Variants in DOCK7 observed in about 807,000 individuals in gnomAD.
DOCK7 encodes the protein dedicator of cytokinesis 7.
A neutral mutation model predicts 271.0 loss-of-function variants in DOCK7; 138 were observed. The observed-to-expected ratio is 0.51, with a 90% CI of 0.44 to 0.59. The LOEUF is 0.59. Ranked by LOEUF, DOCK7 falls within the 20% of genes least tolerant of loss-of-function variation. DOCK7 has a pLI of 0.00. For missense variants in DOCK7, 2,066 were observed against 2,592.4 expected (o/e 0.80, Z 4.41); for synonymous variants, 823 against 876.1 (o/e 0.94, Z 1.07).
At chr1:62,460,604 AACACACACAC>A (rs57641890) in intron 48 of DOCK7, among the ~76,000 whole-genome samples, 83,794 of 148,838 alleles carry the variant, frequency 0.56, 25,097 homozygotes, top group East Asian at 0.74. Flanking sequence ...CAATGTATTG[AACACACACAC>A]ACACACACAC....
intron 1 of DOCK7, among the ~76,000 whole-genome samples, chr1:62,671,164 G>A (rs943243972): frequency 3.3e-5 from 5 of 152,064 alleles, no homozygotes; most frequent in African/African-American, 9.7e-5. Flanking sequence ...GACTCCAGAC[G>A]CGCCACCTTA....
At chr1:62,647,966 G>C (rs987517896) in intron 6 of DOCK7, 140 bp downstream of exon 6, 1 of 837,044 alleles carries the variant, frequency 1.2e-6, no homozygotes, top group African/African-American at 1.7e-5. Flanking sequence ...AAATTCACTA[G>C]TATAAAATGT....
At chr1:62,622,904 T>C (rs1047148608) in intron 12 of DOCK7, among the ~76,000 whole-genome samples, 2 of 152,054 alleles carry the variant, frequency 1.3e-5, no homozygotes, top group African/African-American at 2.4e-5. Context: ...CACTCCAGCC[T>C]GGGTGAGAGA....
intron 1 of DOCK7, among the ~76,000 whole-genome samples, chr1:62,675,453 G>A (rs929241560): frequency 5.3e-5 from 8 of 152,110 alleles, no homozygotes; most frequent in Non-Finnish European, 1.0e-4. Flanking sequence ...TATTTCACCA[G>A]GGCAGATACG....
chr1:62,471,483 G>T (rs1375399490), intron 48 of DOCK7, among the ~76,000 whole-genome samples: 1 of 152,134 alleles, frequency 6.6e-6, no homozygotes, highest in Non-Finnish European at 1.5e-5. Flanking sequence ...GCAACATAGC[G>T]AGACTTCATC....
chr1:62,644,746 T>A (rs1169589183), intron 7 of DOCK7, among the ~76,000 whole-genome samples: 1 of 152,212 alleles, frequency 6.6e-6, no homozygotes, highest in Non-Finnish European at 1.5e-5. Context: ...GTTTCTATAG[T>A]TAGCTAAAGT....
chr1:62,584,471 T>G, intron 15 of DOCK7: 1 of 1,034,668 alleles, frequency 9.7e-7, no homozygotes, highest in Admixed American at 5.4e-5. Context: ...AGCCATTTCA[T>G]ACATAAAAAC....
intron 18 of DOCK7, among the ~76,000 whole-genome samples, chr1:62,573,857 A>T (rs970475130): frequency 1.3e-5 from 2 of 152,000 alleles, no homozygotes; most frequent in African/African-American, 4.8e-5. Flanking sequence ...GGTTCACTGT[A>T]AACTCGAACT....
intron 17 of DOCK7, among the ~76,000 whole-genome samples, chr1:62,577,594 C>G (rs1267676302): frequency 6.6e-6 from 1 of 151,962 alleles, no homozygotes; most frequent in East Asian, 1.9e-4. Flanking sequence ...TTATTACTAA[C>G]CATGCAATAT....
intron 14 of DOCK7, among the ~76,000 whole-genome samples, chr1:62,587,920 T>C (rs1001149651): frequency 6.6e-6 from 1 of 152,156 alleles, no homozygotes; most frequent in Non-Finnish European, 1.5e-5. Flanking sequence ...TTTTCTTTTT[T>C]TATACTTTAC....
At chr1:62,563,863 C>CCA (rs1646418447) in intron 18 of DOCK7, among the ~76,000 whole-genome samples, 2 of 38,816 alleles carry the variant, frequency 5.2e-5, no homozygotes, top group African/African-American at 2.1e-4. Flanking sequence ...ATTTACCAAG[C>CCA]AAAAAAAAAA....
chr1:62,489,176 G>A (rs1429862356), intron 41 of DOCK7, 111 bp from the exon 42 acceptor site: 3 of 1,042,556 alleles, frequency 2.9e-6, no homozygotes, highest in East Asian at 3.0e-5. Context: ...GAGGCCAGAC[G>A]CAGTGGCTCA....
intron 9 of DOCK7, among the ~76,000 whole-genome samples, chr1:62,634,170 A>G (rs2149632482): frequency 6.6e-6 from 1 of 152,212 alleles, no homozygotes; most frequent in Admixed American, 6.5e-5. Context: ...AAAGAGTAAG[A>G]TACTTACAAA....
chr1:62,502,008 C>CTATT (rs1383738116), intron 37 of DOCK7, among the ~76,000 whole-genome samples: 1 of 151,876 alleles, frequency 6.6e-6, no homozygotes, highest in East Asian at 1.9e-4. Flanking sequence ...TTCAAAACTG[C>CTATT]TATTTATTCA....
Position 62,455,308 on chromosome 1 carries a change from A to G in DOCK7, c.*106T>C, listed in dbSNP as rs1645315306. 2.4e-6 allele frequency: 3 copies of G among 1,234,762 alleles called. No individual in the cohort carries two copies. Among genetic ancestry groups the G allele is most frequent in the South Asian group, 1.2e-5 (1 of 80,214 alleles). 76.5% of individuals were successfully genotyped at this position (1,234,762 alleles called of 1,614,324 possible). On this transcript the variant is annotated 3_prime_UTR_variant, in exon 50 of 50. Coordinates refer to ENST00000635253, the MANE Select transcript of DOCK7 (RefSeq NM_001367561.1). ...TCTTGGCCACTGCATTCTTCAATGA[A>G]TAATAATTTCCAGAATTCCATTCCA...
At chr1:62,625,622 T>C (rs918505000) in intron 11 of DOCK7, among the ~76,000 whole-genome samples, 1 of 152,160 alleles carries the variant, frequency 6.6e-6, no homozygotes, top group African/African-American at 2.4e-5. Context: ...GTTTCTAACA[T>C]GCAAAGATCT....
chr1:62,591,981 G>A (rs1648518539), intron 14 of DOCK7, among the ~76,000 whole-genome samples: 4 of 152,102 alleles, frequency 2.6e-5, no homozygotes, highest in South Asian at 2.1e-4. Context: ...AGTACAGACA[G>A]CATTAGAAAA....
intron 2 of DOCK7, among the ~76,000 whole-genome samples, chr1:62,661,653 T>C (rs951885862): frequency 6.6e-6 from 1 of 152,120 alleles, no homozygotes; most frequent in African/African-American, 2.4e-5. Context: ...TACCTATGAC[T>C]AATTCAATGG....
chr1:62,623,644 A>G (rs1571811490), intron 12 of DOCK7, among the ~76,000 whole-genome samples: 1 of 152,176 alleles, frequency 6.6e-6, no homozygotes, highest in East Asian at 1.9e-4. Flanking sequence ...AAAGAGGGGG[A>G]AGTAACATAC....
Sources: allele counts gnomAD v4.1 joint callset (sites outside exome capture counted in the v4.1 genomes callset), GRCh38; gene constraint gnomAD v4.1.1; transcripts MANE v1.5; gene names NCBI Gene and HGNC (gene_info 2026-07-23, HGNC 2026-07-21).